Variants in IFT70B observed in about 807,000 individuals in gnomAD.
IFT70B encodes the protein intraflagellar transport 70B.
chr2:177,552,763 T>A, the IFT70B span: 1 of 1,552,764 alleles, frequency 6.4e-7, no homozygotes, highest in Non-Finnish European at 8.7e-7. Flanking sequence ...AGGCCAGCCA[T>A]AACCACCACG....
At chr2:177,552,485 G>A in the IFT70B span, 1 of 1,610,750 alleles carries the variant, frequency 6.2e-7, no homozygotes, top group South Asian at 1.1e-5. Flanking sequence ...CCGCATAAAG[G>A]CAGGCCTTGT....
the IFT70B span, chr2:177,552,330 C>A: frequency 6.2e-7 from 1 of 1,614,240 alleles, no homozygotes; most frequent in African/African-American, 1.3e-5. Flanking sequence ...ACTTTCCTCT[C>A]CCCCTTCCCT....
the IFT70B span, chr2:177,552,696 C>G: frequency 1.9e-6 from 3 of 1,598,266 alleles, no homozygotes; most frequent in Admixed American, 5.2e-5. Flanking sequence ...GCGTGCATTG[C>G]GGATGAGGCG....
At chr2:177,551,053 A>G in the IFT70B span, 1 of 1,614,192 alleles carries the variant, frequency 6.2e-7, no homozygotes, top group Non-Finnish European at 8.5e-7. Context: ...TAAGGTTCCA[A>G]GCTTTTGATA....
At chr2:177,552,626 G>C in the IFT70B span, 1 of 1,591,178 alleles carries the variant, frequency 6.3e-7, no homozygotes, top group Non-Finnish European at 8.6e-7. Flanking sequence ...GCGACAGGCC[G>C]GCGCGGCTCC....
the IFT70B span, chr2:177,550,036 A>G: frequency 6.6e-6 from 1 of 152,250 alleles, no homozygotes; most frequent in East Asian, 1.9e-4. Flanking sequence ...CTGAGTTCTC[A>G]GGATAGCTCT....
the IFT70B span, chr2:177,549,496 C>G: frequency 6.6e-6 from 1 of 152,136 alleles, no homozygotes. Flanking sequence ...CTAGGTTGAG[C>G]TATGAGAAAC....
chr2:177,552,367 T>G, the IFT70B span: 1 of 1,614,218 alleles, frequency 6.2e-7, no homozygotes, highest in South Asian at 1.1e-5. Context: ...ACCAGGCTCC[T>G]GGACCCTGGC....
chr2:177,550,481 C>T, the IFT70B span: 17 of 258,154 alleles, frequency 6.6e-5, no homozygotes, highest in Non-Finnish European at 7.3e-5. Flanking sequence ...CCTCAAGATA[C>T]GTCAAAGCAC....
the IFT70B span, chr2:177,551,659 GGC>G: frequency 6.2e-7 from 1 of 1,614,234 alleles, no homozygotes; most frequent in Non-Finnish European, 8.5e-7. Flanking sequence ...GGAGCTGTCT[GGC>G]AAGTGATCAC....
At chr2:177,552,698 GA>G in the IFT70B span, 3 of 1,599,642 alleles carry the variant, frequency 1.9e-6, no homozygotes, top group South Asian at 3.4e-5. Context: ...GTGCATTGCG[GA>G]TGAGGCGGTA....
the IFT70B span, chr2:177,552,339 C>G: frequency 6.2e-7 from 1 of 1,614,242 alleles, no homozygotes; most frequent in Admixed American, 1.7e-5. Flanking sequence ...TCCCCCTTCC[C>G]TACTCGGCAG....
chr2:177,551,592 C>T, the IFT70B span: 252 of 1,614,108 alleles, frequency 1.6e-4, 1 homozygote, highest in East Asian at 2.4e-3. Flanking sequence ...GGTAAGTTTC[C>T]GGAGGACCTC....
At chr2:177,552,302 G>A in the IFT70B span, 1 of 1,614,096 alleles carries the variant, frequency 6.2e-7, no homozygotes, top group East Asian at 2.2e-5. Context: ...TCTGGCCATC[G>A]GTCTCATTCT....
chr2:177,550,581 T>A, the IFT70B span: 4 of 506,124 alleles, frequency 7.9e-6, no homozygotes, highest in Admixed American at 1.6e-4. Context: ...ACTCCTGGGG[T>A]AAAAGTTCTT....
At chr2:177,550,852 T>C in the IFT70B span, 1 of 1,614,014 alleles carries the variant, frequency 6.2e-7, no homozygotes, top group African/African-American at 1.3e-5. Flanking sequence ...ACATGCATTC[T>C]TTCTTCTTCC....
the IFT70B span, chr2:177,550,033 C>T: frequency 1.3e-5 from 2 of 152,156 alleles, no homozygotes; most frequent in Non-Finnish European, 2.9e-5. Flanking sequence ...CCCCTGAGTT[C>T]TCAGGATAGC....
chr2:177,551,896 G>C, the IFT70B span: 2 of 1,614,100 alleles, frequency 1.2e-6, no homozygotes, highest in Non-Finnish European at 1.7e-6. Context: ...TGGTTGTGTA[G>C]GGTCACAGGG....
At chr2:177,550,505 G>A in the IFT70B span, 3 of 311,046 alleles carry the variant, frequency 9.6e-6, no homozygotes, top group African/African-American at 6.6e-5. Context: ...AGATAACAGA[G>A]GAAAGGAAAC....
Sources: gnomAD v4.1 joint callset for allele counts on GRCh38, gnomAD v4.1.1 for gene constraint, MANE v1.5 for transcripts, NCBI Gene and HGNC (gene_info 2026-07-23, HGNC 2026-07-21) for gene names.